The following OSTN variants were observed in gnomAD, a reference collection of about 807,000 sequenced individuals.
OSTN encodes osteocrin.
OSTN carries 9 observed loss-of-function variants against 12.0 expected under a neutral mutation model. The ratio of observed to expected loss-of-function variants is 0.75; its 90% CI spans 0.45 to 1.30. The LOEUF (loss-of-function observed/expected upper bound fraction) is 1.30. Ranked by LOEUF, OSTN falls within the 50% of genes most tolerant of loss-of-function variation. OSTN has a pLI of 0.00. For missense variants in OSTN, 148 were observed against 152.3 expected (o/e 0.97, Z 0.15); for synonymous variants, 59 against 56.9 (o/e 1.04, Z -0.16).
intron 3 of OSTN, among the ~76,000 whole-genome samples, chr3:191,243,273 T>A (rs1317220742): frequency 6.6e-6 from 1 of 152,202 alleles, no homozygotes; most frequent in Admixed American, 6.5e-5. Flanking sequence ...AGTATAAGCA[T>A]AGCTGTCAAT....
At chr3:191,213,853 G>A (rs1463387941) in intron 2 of OSTN, among the ~76,000 whole-genome samples, 1 of 151,914 alleles carries the variant, frequency 6.6e-6, no homozygotes, top group East Asian at 1.9e-4. Context: ...ATTTTTGGAG[G>A]ATGCTTGGAA....
At chr3:191,231,543 A>G (rs915429251) in intron 3 of OSTN, among the ~76,000 whole-genome samples, 1 of 152,208 alleles carries the variant, frequency 6.6e-6, no homozygotes, top group Non-Finnish European at 1.5e-5. Flanking sequence ...CTATGAGACA[A>G]GAATTTTACT....
At chr3:191,252,015 A>G (rs1382530910) in intron 4 of OSTN, among the ~76,000 whole-genome samples, 2 of 152,170 alleles carry the variant, frequency 1.3e-5, no homozygotes, top group African/African-American at 4.8e-5. Context: ...TTCAACCACA[A>G]CGAGTTATGT....
intron 1 of OSTN, among the ~76,000 whole-genome samples, chr3:191,206,317 TTGG>T (rs1262638990): frequency 6.6e-6 from 1 of 152,238 alleles, no homozygotes; most frequent in Non-Finnish European, 1.5e-5. Flanking sequence ...ATCAATTTAA[TTGG>T]TAGCATTGTT....
chr3:191,260,756 G>A (rs1033272335), intron 4 of OSTN, among the ~76,000 whole-genome samples: 1 of 152,162 alleles, frequency 6.6e-6, no homozygotes, highest in African/African-American at 2.4e-5. Flanking sequence ...TTAGTCAGAT[G>A]TCAAGCTCTC....
At chr3:191,246,615 A>AC (rs1208123366) in intron 3 of OSTN, among the ~76,000 whole-genome samples, 2 of 150,426 alleles carry the variant, frequency 1.3e-5, no homozygotes, top group East Asian at 3.9e-4. Context: ...AAAAAAAAAA[A>AC]AAGAAAGAAA....
chr3:191,206,915 G>C (rs75904886), intron 1 of OSTN, among the ~76,000 whole-genome samples: 2 of 152,208 alleles, frequency 1.3e-5, no homozygotes, highest in African/African-American at 4.8e-5. Context: ...CCTGAAGAAC[G>C]TATTATGTTT....
At chr3:191,243,826 A>G (rs940245159) in intron 3 of OSTN, among the ~76,000 whole-genome samples, 1 of 152,144 alleles carries the variant, frequency 6.6e-6, no homozygotes, top group Non-Finnish European at 1.5e-5. Context: ...TATAGTCACA[A>G]TGCTGTACAT....
chr3:191,213,959 G>T (rs1411442993), intron 2 of OSTN, among the ~76,000 whole-genome samples: 1 of 152,070 alleles, frequency 6.6e-6, no homozygotes, highest in East Asian at 1.9e-4. Flanking sequence ...ATGTTATCAG[G>T]CTTATATAAG....
chr3:191,219,040 G>A, intron 3 of OSTN, 79 bp downstream of exon 3: 1 of 1,262,548 alleles, frequency 7.9e-7, no homozygotes. Context: ...AATTCCACAT[G>A]AAAAATACAG....
intron 1 of OSTN, among the ~76,000 whole-genome samples, chr3:191,201,933 A>G (rs1003673323): frequency 6.6e-6 from 1 of 152,202 alleles, no homozygotes; most frequent in Non-Finnish European, 1.5e-5. Context: ...ATTACTTCTG[A>G]TCTTCATACT....
intron 1 of OSTN, among the ~76,000 whole-genome samples, chr3:191,205,098 AC>A: frequency 6.6e-6 from 1 of 152,232 alleles, no homozygotes; most frequent in East Asian, 1.9e-4. Context: ...TTTTTAGGAA[AC>A]AATATTAAAT....
intron 3 of OSTN, among the ~76,000 whole-genome samples, chr3:191,224,193 C>T (rs1470109964): frequency 6.6e-6 from 1 of 151,786 alleles, no homozygotes; most frequent in Non-Finnish European, 1.5e-5. Context: ...GCCTGACCGA[C>T]ATGGAAAAAC....
At chr3:191,246,093 G>T (rs183902623) in intron 3 of OSTN, among the ~76,000 whole-genome samples, 3,829 of 123,230 alleles carry the variant, frequency 0.031, 184 homozygotes, top group East Asian at 0.26. Context: ...AAAAAAAAAA[G>T]AGTAAACGTA....
At chr3:191,203,449 A>C (rs1714198068) in intron 1 of OSTN, among the ~76,000 whole-genome samples, 1 of 152,228 alleles carries the variant, frequency 6.6e-6, no homozygotes, top group African/African-American at 2.4e-5. Context: ...AGTAGCATTA[A>C]TCACAAATCC....
intron 3 of OSTN, among the ~76,000 whole-genome samples, chr3:191,229,210 G>A (rs781642915): frequency 6.6e-6 from 1 of 152,184 alleles, no homozygotes; most frequent in African/African-American, 2.4e-5. Flanking sequence ...AAGAGAAGGC[G>A]ATTCTGAAGA....
chr3:191,232,521 TAA>T (rs1384565196), intron 3 of OSTN, among the ~76,000 whole-genome samples: 10 of 150,032 alleles, frequency 6.7e-5, no homozygotes, highest in African/African-American at 1.7e-4. Context: ...TATATATATA[TAA>T]AATTATGTTT....
chr3:191,258,380 T>G (rs1489148436), intron 4 of OSTN, among the ~76,000 whole-genome samples: 1 of 152,122 alleles, frequency 6.6e-6, no homozygotes, highest in Non-Finnish European at 1.5e-5. Context: ...AAAAAGTGGA[T>G]GCAGTTAAAA....
chr3:191,250,063 G>A lies in OSTN; in HGVS notation c.344G>A (p.Arg115Gln), dbSNP rs1277970401. ...AAAGTAGTAGATCATCCAAAAAGGC[G>A]ATTTGGTATCCCCATGGATCGGATT... ...QRKVVDHPKR[R>Q]FGIPMDRIGR... is the part of the protein sequence containing the mutation. Residue 115 changes from arginine (R) to glutamine (Q), a missense_variant, in exon 4 of 5, where the codon CGA (arginine) becomes CAA (glutamine). By Grantham distance (43) the Arg-to-Gln change is conservative (BLOSUM62 1). Coordinates refer to ENST00000682035, the MANE Select transcript of OSTN (RefSeq NM_198184.2). The A allele has an allele frequency of 5.6e-6, 9 of 1,613,688 alleles. No homozygotes were observed. The highest frequency in any genetic ancestry group is 4.5e-5 in the East Asian group (2 of 44,874).
Sources: allele counts gnomAD v4.1 joint callset (sites outside exome capture counted in the v4.1 genomes callset), GRCh38; gene constraint gnomAD v4.1.1; transcripts MANE v1.5; gene names NCBI Gene and HGNC (gene_info 2026-07-23, HGNC 2026-07-21).